The following SMPD4 variants were observed in gnomAD, a reference collection of about 807,000 sequenced individuals.
SMPD4 encodes the protein sphingomyelin phosphodiesterase 4.
Under a neutral mutation model 97.8 loss-of-function variants are expected in SMPD4, and 58 were observed. The ratio of observed to expected loss-of-function variants is 0.59; its 90% confidence interval spans 0.48 to 0.74. The LOEUF (loss-of-function observed/expected upper bound fraction) is 0.74, where lower values mean the gene tolerates loss of function less well. Ranked by LOEUF, SMPD4 falls within the 30% of genes least tolerant of loss-of-function variation. The pLI is 0.00. For missense variants in SMPD4, 853 were observed against 1,080.5 expected (o/e 0.79, Z 2.95); for synonymous variants, 388 against 450.0 (o/e 0.86, Z 1.74).
Position 130,174,953 on chromosome 2 carries a change from G to C in SMPD4, c.87C>G (p.Cys29Trp). The change falls in exon 3 of 20, where the codon TGC (cysteine) becomes TGG (tryptophan). Residue 29 changes from cysteine to tryptophan, a missense_variant. By Grantham distance (215) the Cys-to-Trp change is radical. Around this residue, in one of 3 missense-constraint regions of SMPD4, gnomAD observed 313 missense variants for 402.2 expected, o/e 0.78. Transcript: ENST00000680298. ...DSINKPFAQQ[C>W]QDLVKVIEDF... ...CCTCAATGACTTTAACCAAGTCTTG[G>C]CACTGCTGTGCAAAGGGCTTATTTA... The C allele has an allele frequency of 6.2e-7, 1 of 1,609,340 alleles. No homozygotes were observed. Among genetic ancestry groups the C allele is most frequent in the Non-Finnish European group, 8.5e-7 (1 of 1,175,950 alleles).
upstream of SMPD4, chr2:130,181,699 C>A: frequency 6.5e-7 from 1 of 1,548,488 alleles, no homozygotes; most frequent in Non-Finnish European, 8.7e-7. Flanking sequence ...AAGCGAAGGC[C>A]GGCCGGGCGG....
intron 3 of SMPD4, among the ~76,000 whole-genome samples, chr2:130,174,606 C>T (rs1370178357): frequency 1.2e-4 from 19 of 152,210 alleles, no homozygotes; most frequent in Non-Finnish European, 1.5e-5. Flanking sequence ...ATGTTTCCAG[C>T]AACCCTGGCC....
At chr2:130,155,886 T>C in intron 14 of SMPD4, 149 bp downstream of exon 14, 2 of 705,294 alleles carry the variant, frequency 2.8e-6, no homozygotes, top group Non-Finnish European at 4.8e-6. Flanking sequence ...TGTGTTCCGC[T>C]CGGCAGGGGC....
At chr2:130,173,873 G>C (rs1412958760) in intron 3 of SMPD4, among the ~76,000 whole-genome samples, 1 of 152,036 alleles carries the variant, frequency 6.6e-6, no homozygotes, top group Non-Finnish European at 1.5e-5. Context: ...ATACCAAGCA[G>C]TGTTGCTTTA....
intron 16 of SMPD4, 128 bp downstream of exon 16, chr2:130,154,149 G>T: frequency 3.2e-6 from 4 of 1,236,674 alleles, no homozygotes; most frequent in Non-Finnish European, 4.4e-6. Context: ...ACTAAAACGG[G>T]GGAAGGAGAT....
intron 11 of SMPD4, chr2:130,157,698 G>A: frequency 2.3e-6 from 1 of 444,186 alleles, no homozygotes; most frequent in South Asian, 2.5e-5. Context: ...TCCCAGCCCT[G>A]CTTCTGCACG....
chr2:130,155,111 C>T lies in SMPD4; in HGVS notation c.1438G>A (p.Glu480Lys), dbSNP rs368755508. Residue 480 changes from glutamate to lysine, a missense_variant, in exon 15 of 20, where the codon GAG becomes AAG. Glu to Lys is a moderately conservative substitution (Grantham distance 56). Around this residue, in one of 3 missense-constraint regions of SMPD4, gnomAD observed 511 missense variants for 608.1 expected, o/e 0.84. Transcript: ENST00000680298. ...AKVFAQPNLA[E>K]MIQKGEQLFL... Reference sequence around the variant, plus strand: ...GAGGACTTACCTTTCTGAATCATCTCAGCCAGGTTGGGCTGGGCAAAGACT... The same window carrying T: ...GAGGACTTACCTTTCTGAATCATCTTAGCCAGGTTGGGCTGGGCAAAGACT... 6.2e-7 allele frequency: 1 copy of T among 1,614,178 alleles called. No homozygotes were observed. The highest frequency in any genetic ancestry group is 8.5e-7 in the Non-Finnish European group (1 of 1,180,026).
At chr2:130,181,753 C>A (rs1171668533), upstream of SMPD4, 5 of 1,548,322 alleles carry the variant, frequency 3.2e-6, no homozygotes, top group Non-Finnish European at 4.4e-6. Context: ...GGGAGTGGTC[C>A]TTAGCTGAAT....
At chr2:130,165,330 G>A (rs1687829330) in intron 9 of SMPD4, among the ~76,000 whole-genome samples, 1 of 151,728 alleles carries the variant, frequency 6.6e-6, no homozygotes, top group South Asian at 2.1e-4. Context: ...GGAGGCTGAG[G>A]CAGGAGAATC....
At chr2:130,162,221 G>A (rs1361977764) in intron 10 of SMPD4, among the ~76,000 whole-genome samples, 1 of 152,248 alleles carries the variant, frequency 6.6e-6, no homozygotes, top group African/African-American at 2.4e-5. Context: ...GGCTGAGCTG[G>A]CTCCTAGCCA....
intron 8 of SMPD4, among the ~76,000 whole-genome samples, chr2:130,171,409 T>C (rs921370494): frequency 5.9e-5 from 9 of 152,134 alleles, no homozygotes; most frequent in Non-Finnish European, 8.8e-5. Flanking sequence ...AGCCTACGTA[T>C]ATAATTTCTA....
Position 130,181,572 on chromosome 2 carries a change from C to A in SMPD4, c.-88G>T. 1 of 1,607,024 alleles carries A rather than the reference C, an allele frequency of 6.2e-7. No homozygotes were observed. Among genetic ancestry groups the A allele is most frequent in the East Asian group, 2.2e-5 (1 of 44,622 alleles). The stretch of plus-strand genomic sequence containing the variant: ...TCGCTCGCCTCAGAGATGGAAGCCG[C>A]CATTCCGCCACGGCGCCGAAAGTCG... On this transcript the variant is annotated 5_prime_UTR_variant, in exon 1 of 20. Coordinates refer to ENST00000680298, the MANE Select transcript of SMPD4 (RefSeq NM_017951.5).
At chr2:130,181,665 G>A, upstream of SMPD4, 2 of 1,550,770 alleles carry the variant, frequency 1.3e-6, no homozygotes, top group Non-Finnish European at 8.7e-7. Flanking sequence ...TCTTTGGGCC[G>A]TTACCTCAAA....
intron 5 of SMPD4, 54 bp downstream of exon 5, chr2:130,173,225 G>A: frequency 1.3e-6 from 2 of 1,533,034 alleles, no homozygotes; most frequent in Non-Finnish European, 1.8e-6. Flanking sequence ...TCACCACAGG[G>A]CTGTGCAAGG....
intron 15 of SMPD4, chr2:130,154,888 C>A: frequency 1.4e-6 from 1 of 693,596 alleles, no homozygotes; most frequent in Admixed American, 2.9e-5. Flanking sequence ...ATCCCCCACC[C>A]AGTGCCTGGT....
chr2:130,179,942 C>T (rs1377963997), intron 1 of SMPD4, among the ~76,000 whole-genome samples: 2 of 149,870 alleles, frequency 1.3e-5, no homozygotes, highest in Non-Finnish European at 3.0e-5. Context: ...CGTGAGTCAC[C>T]ATGCCCGGCC....
chr2:130,165,872 G>A (rs1361433750), intron 9 of SMPD4, among the ~76,000 whole-genome samples: 2 of 152,084 alleles, frequency 1.3e-5, no homozygotes, highest in Admixed American at 6.5e-5. Flanking sequence ...CGCCCGGGCT[G>A]GTTCAGTTTC....
At position 130,154,815 on chromosome 2, in the gene SMPD4, A is replaced by C; in HGVS notation, c.1453+281T>G. ...GCGGCCAACACGAGTTGCCAGGGAG[A>C]AACAGCGGGGTCACGGGGCCGCAGC... On this transcript the variant is annotated intron_variant, in intron 15 of 19. Transcript: ENST00000680298. 2.0e-5 allele frequency: 12 copies of C among 599,152 alleles called. 1 individual carries two copies. Among genetic ancestry groups the C allele is most frequent in the Middle Eastern group, 4.6e-4 (1 of 2,196 alleles). 37.1% of individuals were successfully genotyped at this position (599,152 alleles called of 1,614,324 possible). A position where few individuals can be genotyped will look rare whatever the true frequency, so the allele number is the denominator to read the frequency against.
intron 11 of SMPD4, 150 bp from the exon 12 acceptor site, chr2:130,157,546 G>C: frequency 7.0e-7 from 1 of 1,430,772 alleles, no homozygotes; most frequent in Non-Finnish European, 9.4e-7. Flanking sequence ...CCACCCCATG[G>C]GGCACCACTG....
Sources: gnomAD v4.1 joint callset for allele counts (sites outside exome capture counted in the v4.1 genomes callset) on GRCh38, gnomAD v4.1.1 for gene constraint, gnomAD v4.1.1 regional missense constraint, MANE v1.5 for transcripts, NCBI Gene and HGNC (gene_info 2026-07-23, HGNC 2026-07-21) for gene names.